Variants in DYNC1I2 observed in about 807,000 individuals in gnomAD.
DYNC1I2 encodes the protein cytoplasmic dynein 1 intermediate chain 2.
DYNC1I2 carries 53 observed loss-of-function variants against 88.6 expected under a neutral mutation model. The observed-to-expected ratio is 0.60, with a 90% CI of 0.48 to 0.75. DYNC1I2 has a LOEUF of 0.75. DYNC1I2 is among the 30% of genes least tolerant of loss of function. The pLI, the probability that DYNC1I2 is intolerant of heterozygous loss-of-function variation, is 0.00. For synonymous variants in DYNC1I2, 198 were observed against 254.6 expected (o/e 0.78, Z 2.12); for missense variants, 458 against 766.6 (o/e 0.60, Z 4.75).
At chr2:171,688,995 G>C (rs1456314368) in intron 1 of DYNC1I2, among the ~76,000 whole-genome samples, 1 of 151,886 alleles carries the variant, frequency 6.6e-6, no homozygotes, top group African/African-American at 2.4e-5. Flanking sequence ...ATGCTCAGCT[G>C]CTAGGCTACT....
intron 5 of DYNC1I2, among the ~76,000 whole-genome samples, chr2:171,709,661 G>C (rs1244109547): frequency 6.6e-6 from 1 of 151,464 alleles, no homozygotes; most frequent in East Asian, 1.9e-4. Flanking sequence ...TACAAAATTG[G>C]TTTCTTGTGA....
intron 15 of DYNC1I2, among the ~76,000 whole-genome samples, chr2:171,733,706 T>C (rs775272549): frequency 6.6e-6 from 1 of 151,856 alleles, no homozygotes. Context: ...GTAGAATTTT[T>C]CTCCCTTTCT....
intron 15 of DYNC1I2, among the ~76,000 whole-genome samples, chr2:171,730,535 A>G (rs1218180381): frequency 6.6e-6 from 1 of 152,220 alleles, no homozygotes; most frequent in Non-Finnish European, 1.5e-5. Context: ...TCTCAAGACA[A>G]ATCCAAGTAG....
Position 171,712,772 on chromosome 2 carries a change from T to A in DYNC1I2, c.341T>A (p.Leu114Gln), listed in dbSNP as rs1409283623. The change falls in exon 6 of 18, where the codon CTG (leucine) becomes CAG (glutamine). Residue 114 changes from leucine (L) to glutamine (Q), a missense_variant. Around this residue, in one of 5 missense-constraint regions of DYNC1I2, gnomAD observed 203 missense variants for 354.2 expected, o/e 0.57. Coordinates refer to ENST00000397119, the MANE Select transcript of DYNC1I2 (RefSeq NM_001378.3). ...GTTGTCCTACAACCATTTAGGACGC[T>A]GCATTGGGATACAGATCCATCAGTT... ...SGDGAVGSRT[L>Q]HWDTDPSVLQ... 6.2e-7 allele frequency: 1 copy of A among 1,613,412 alleles called. No individual in the cohort carries two copies. The highest frequency in any genetic ancestry group is 1.1e-5 in the South Asian group (1 of 91,020).
At chr2:171,746,757 A>G (rs1236169746) in intron 17 of DYNC1I2, among the ~76,000 whole-genome samples, 1 of 152,146 alleles carries the variant, frequency 6.6e-6, no homozygotes, top group Non-Finnish European at 1.5e-5. Context: ...ATTTTAATAT[A>G]CACAGTCACA....
chr2:171,718,611 T>G (rs918710823), intron 7 of DYNC1I2, among the ~76,000 whole-genome samples: 48 of 152,032 alleles, frequency 3.2e-4, no homozygotes, highest in Admixed American at 8.5e-4. Context: ...TTTTTTGTAT[T>G]TTTAGTAGAG....
At chr2:171,735,242 A>G (rs1206774765) in intron 15 of DYNC1I2, among the ~76,000 whole-genome samples, 1 of 152,222 alleles carries the variant, frequency 6.6e-6, no homozygotes, top group Non-Finnish European at 1.5e-5. Context: ...ACAGCTAGCC[A>G]CTAATCTTCG....
intron 7 of DYNC1I2, among the ~76,000 whole-genome samples, chr2:171,722,283 CAAAGT>C (rs1347363859): frequency 1.3e-5 from 2 of 152,112 alleles, no homozygotes; most frequent in Non-Finnish European, 2.9e-5. Flanking sequence ...GATGTTAACT[CAAAGT>C]AAAAATTCAG....
intron 15 of DYNC1I2, among the ~76,000 whole-genome samples, 193 bp from the exon 16 acceptor site, chr2:171,743,856 G>A (rs1689608830): frequency 6.6e-6 from 1 of 152,114 alleles, no homozygotes; most frequent in Non-Finnish European, 1.5e-5. Context: ...GCAATCAATA[G>A]TTGATTCTTA....
intron 3 of DYNC1I2, among the ~76,000 whole-genome samples, chr2:171,695,081 T>A (rs1019273180): frequency 9.2e-5 from 14 of 152,038 alleles, no homozygotes; most frequent in Non-Finnish European, 1.9e-4. Flanking sequence ...TTTGCAGTTT[T>A]TGTTTGTTTA....
chr2:171,706,498 A>G (rs1235821273), intron 3 of DYNC1I2, 49 bp from the exon 4 acceptor site: 8 of 1,527,410 alleles, frequency 5.2e-6, no homozygotes, highest in Non-Finnish European at 7.2e-6. Context: ...TTCTATAAGA[A>G]GGGATTAAGA....
chr2:171,728,490 T>G, intron 13 of DYNC1I2, 72 bp downstream of exon 13: 2 of 972,502 alleles, frequency 2.1e-6, no homozygotes, highest in Non-Finnish European at 3.0e-6. Flanking sequence ...CCTCAACTTA[T>G]GTTTCTCATA....
chr2:171,727,796 G>C (rs1168180458), intron 11 of DYNC1I2, 25 bp from the exon 12 acceptor site: 2 of 1,601,650 alleles, frequency 1.2e-6, no homozygotes, highest in Admixed American at 3.4e-5. Flanking sequence ...TGAATCTCAA[G>C]TATAAAAATC....
rs1688222803 is a variant in DYNC1I2, at chr2:171,725,936, A to C, written c.625A>C (p.Thr209Pro). The C allele has an allele frequency of 6.3e-7, 1 of 1,575,164 alleles. No individual in the cohort carries two copies. Among genetic ancestry groups the C allele is most frequent in the Non-Finnish European group, 8.6e-7 (1 of 1,169,136 alleles). ...TTTTCCAGCTCCCCCTCATGAGCTGACTGAAGAAGAAAAGCAACAAATCTT... is the reference window on the plus strand; with the variant it reads ...TTTTCCAGCTCCCCCTCATGAGCTGCCTGAAGAAGAAAAGCAACAAATCTT... ...NDSKAPPHEL[T>P]EEEKQQILHS... Residue 209 changes from threonine (T) to proline (P), a missense_variant, in exon 9 of 18, where the codon ACT (threonine) becomes CCT (proline). This residue lies in a region of DYNC1I2 where 203 missense variants were observed against 354.2 expected (regional missense o/e 0.57). Coordinates refer to ENST00000397119, the MANE Select transcript of DYNC1I2 (RefSeq NM_001378.3).
intron 7 of DYNC1I2, among the ~76,000 whole-genome samples, chr2:171,719,684 A>G (rs745489169): frequency 6.6e-6 from 1 of 152,208 alleles, no homozygotes; most frequent in Non-Finnish European, 1.5e-5. Flanking sequence ...CTTTTTTTAA[A>G]TAAAAATGGC....
intron 3 of DYNC1I2, among the ~76,000 whole-genome samples, chr2:171,696,101 G>A (rs78293586): frequency 0.024 from 3,677 of 152,132 alleles, 63 homozygotes; most frequent in Middle Eastern, 0.037. Flanking sequence ...GTATATTTTA[G>A]GGAGGACTTT....
chr2:171,690,318 C>A, intron 2 of DYNC1I2, 55 bp downstream of exon 2: 2 of 1,285,974 alleles, frequency 1.6e-6, no homozygotes, highest in Non-Finnish European at 2.2e-6. Flanking sequence ...GGTTTTATTT[C>A]ACATATTTAT....
intron 16 of DYNC1I2, among the ~76,000 whole-genome samples, chr2:171,745,504 A>G (rs1368783229): frequency 2.6e-5 from 4 of 152,206 alleles, no homozygotes; most frequent in Non-Finnish European, 4.4e-5. Context: ...TGACTTCTTA[A>G]AGACATTAAA....
chr2:171,702,867 C>G (rs2105515739), intron 3 of DYNC1I2, among the ~76,000 whole-genome samples: 1 of 152,162 alleles, frequency 6.6e-6, no homozygotes, highest in South Asian at 2.1e-4. Flanking sequence ...TTCACACTAC[C>G]ATAGCCATCT....
Sources: gnomAD v4.1 joint callset for allele counts (sites outside exome capture counted in the v4.1 genomes callset) on GRCh38, gnomAD v4.1.1 for gene constraint, gnomAD v4.1.1 regional missense constraint, MANE v1.5 for transcripts, NCBI Gene and HGNC (gene_info 2026-07-23, HGNC 2026-07-21) for gene names.